Variants in UBTD2 observed in about 807,000 individuals in gnomAD.
The protein encoded by UBTD2 is ubiquitin domain containing 2.
In UBTD2, 9 loss-of-function variants were observed where a neutral mutation model predicts 19.8. The ratio of observed to expected loss-of-function variants is 0.46; its 90% confidence interval spans 0.27 to 0.79. The LOEUF (loss-of-function observed/expected upper bound fraction) is 0.79, where lower values mean the gene tolerates loss of function less well. Ranked by LOEUF, UBTD2 falls within the 30% of genes least tolerant of loss-of-function variation. The probability of loss-of-function intolerance (pLI) is 0.14; values close to 1 mark genes in which losing one functional copy is unlikely to be tolerated. For missense variants in UBTD2, 250 were observed against 300.4 expected (o/e 0.83, Z 1.24); for synonymous variants, 98 against 103.9 (o/e 0.94, Z 0.35).
intron 1 of UBTD2, among the ~76,000 whole-genome samples, chr5:172,273,281 T>G (rs1755535211): frequency 7.7e-6 from 1 of 129,256 alleles, no homozygotes; most frequent in Admixed American, 8.3e-5. Context: ...TAATGCCCAC[T>G]GCAAGATTCT....
chr5:172,247,842 A>G (rs1310577472), intron 1 of UBTD2, among the ~76,000 whole-genome samples: 1 of 152,224 alleles, frequency 6.6e-6, no homozygotes, highest in Non-Finnish European at 1.5e-5. Context: ...CTTAACTGAC[A>G]TAAAGAACAT....
At chr5:172,257,160 G>A (rs568514362) in intron 1 of UBTD2, among the ~76,000 whole-genome samples, 28 of 152,252 alleles carry the variant, frequency 1.8e-4, no homozygotes, top group African/African-American at 6.5e-4. Context: ...CCTCAAGGAG[G>A]TCCCAGTGAC....
chr5:172,239,901 C>T (rs1228489036), intron 1 of UBTD2, among the ~76,000 whole-genome samples: 1 of 152,112 alleles, frequency 6.6e-6, no homozygotes, highest in Non-Finnish European at 1.5e-5. Context: ...GAGACTCCGT[C>T]TCAAAACAAA....
rs746153347 is a variant in UBTD2, at chr5:172,234,346, C to T, written c.83G>A (p.Arg28His). The T allele has an allele frequency of 8.1e-6, 13 of 1,613,656 alleles. No homozygotes were observed. Among genetic ancestry groups the T allele is most frequent in the Admixed American group, 6.7e-5 (4 of 59,926 alleles). ...TTTCTCCTTTTTCAAAGGCTGGTTA[C>T]GACCTAGAGCAACTGAAAAGAAAAA... ...NSEGTGVALG[R>H]NQPLKKEKPK... is the part of the protein sequence containing the mutation. The change falls in exon 2 of 3, where the codon CGT (arginine) becomes CAT (histidine). Residue 28 changes from arginine to histidine, a missense_variant. By Grantham distance (29) the Arg-to-His change is conservative. Coordinates refer to ENST00000393792, the MANE Select transcript of UBTD2 (RefSeq NM_152277.3).
chr5:172,244,751 G>A (rs537829304), intron 1 of UBTD2, among the ~76,000 whole-genome samples: 4 of 152,014 alleles, frequency 2.6e-5, no homozygotes, highest in East Asian at 3.9e-4. Flanking sequence ...TTTTTGAGAC[G>A]AAGTCTTGCT....
At chr5:172,267,276 G>A (rs1169923658) in intron 1 of UBTD2, among the ~76,000 whole-genome samples, 1 of 152,142 alleles carries the variant, frequency 6.6e-6, no homozygotes, top group Non-Finnish European at 1.5e-5. Context: ...ACGCCACCAG[G>A]TCAAAATGAT....
At chr5:172,226,135 G>C (rs1239556784) in intron 2 of UBTD2, among the ~76,000 whole-genome samples, 1 of 151,960 alleles carries the variant, frequency 6.6e-6, no homozygotes, top group Non-Finnish European at 1.5e-5. Flanking sequence ...TCTACTTCTT[G>C]ACAACCATGC....
intron 1 of UBTD2, among the ~76,000 whole-genome samples, chr5:172,244,073 T>C (rs1215191318): frequency 6.6e-6 from 1 of 152,078 alleles, no homozygotes; most frequent in African/African-American, 2.4e-5. Flanking sequence ...CCATGCCTAA[T>C]CTTCCTACAT....
chr5:172,267,118 G>T (rs991957194), intron 1 of UBTD2, among the ~76,000 whole-genome samples: 1 of 149,316 alleles, frequency 6.7e-6, no homozygotes, highest in Non-Finnish European at 1.5e-5. Context: ...GAACCCAAGA[G>T]AACAAAAGAA....
At chr5:172,260,134 A>G (rs1020744024) in intron 1 of UBTD2, among the ~76,000 whole-genome samples, 4 of 145,104 alleles carry the variant, frequency 2.8e-5, no homozygotes, top group African/African-American at 1.0e-4. Flanking sequence ...GTATTTTCCT[A>G]TTCATTAAAA....
chr5:172,234,421 A>G (rs1771968459), intron 1 of UBTD2, 63 bp from the exon 2 acceptor site: 1 of 1,337,488 alleles, frequency 7.5e-7, no homozygotes, highest in Admixed American at 1.8e-5. Flanking sequence ...ATCAAAAGTT[A>G]TCTGGTCATT....
rs555392614 is a variant in UBTD2 at position 172,274,135 on chromosome 5, C to CTTTTTTTTT, written c.70+9452_70+9460dup. 1.9e-4 allele frequency among the ~76,000 whole-genome samples: 21 copies of CTTTTTTTTT among 108,648 alleles called. 1 individual carries two copies. The highest frequency in any genetic ancestry group is 6.2e-4 in the South Asian group (2 of 3,246). 71.3% of individuals were successfully genotyped at this position (108,648 alleles called of 152,430 possible). ...CCTCCTCATGCTCAATTTTGCTTTA[C>CTTTTTTTTT]TTTTTTTTTTTTTTTTTTTTTTTGA... On this transcript the variant is annotated intron_variant, in intron 1 of 2. Coordinates refer to ENST00000393792, the MANE Select transcript of UBTD2 (RefSeq NM_152277.3).
chr5:172,252,654 T>C (rs1207969086), intron 1 of UBTD2, among the ~76,000 whole-genome samples: 1 of 152,186 alleles, frequency 6.6e-6, no homozygotes, highest in East Asian at 1.9e-4. Flanking sequence ...CTCTTCTATC[T>C]GAAGTTTCCT....
chr5:172,216,284 A>G (rs1443513181), intron 2 of UBTD2, among the ~76,000 whole-genome samples: 3 of 152,132 alleles, frequency 2.0e-5, no homozygotes, highest in Non-Finnish European at 2.9e-5. Context: ...GGGACAAACC[A>G]AAGTGTAACA....
chr5:172,224,335 T>C (rs145801641), intron 2 of UBTD2, among the ~76,000 whole-genome samples: 133 of 140,426 alleles, frequency 9.5e-4, no homozygotes, highest in African/African-American at 3.2e-3. Context: ...AATCTCACCC[T>C]GTCGCCCAGG....
intron 1 of UBTD2, among the ~76,000 whole-genome samples, chr5:172,244,115 T>C (rs1772188705): frequency 1.3e-5 from 2 of 152,170 alleles, no homozygotes; most frequent in Admixed American, 1.3e-4. Context: ...TCAAGCTGAT[T>C]GGGGGCATTC....
intron 2 of UBTD2, among the ~76,000 whole-genome samples, chr5:172,228,923 G>GA (rs1022034849): frequency 4.0e-5 from 6 of 151,606 alleles, no homozygotes; most frequent in Admixed American, 6.6e-5. Context: ...TTGAGATAAA[G>GA]AAAAAAACAT....
intron 1 of UBTD2, among the ~76,000 whole-genome samples, chr5:172,262,078 C>G (rs1342548760): frequency 1.3e-5 from 2 of 152,170 alleles, no homozygotes; most frequent in Non-Finnish European, 2.9e-5. Context: ...AACTGAGACC[C>G]TGTGCCTCAG....
rs1291209601 is a variant in UBTD2, at chr5:172,211,914, G to A, written c.621C>T (p.Phe207=). The change falls in exon 3 of 3, where the codon TTC becomes TTT. Residue 207 remains phenylalanine (F), a synonymous_variant. Coordinates refer to ENST00000393792, the MANE Select transcript of UBTD2 (RefSeq NM_152277.3). ...SGRPLTDKMK[F]EELKIPKDYV... Reference sequence around the variant, plus strand: ...AGTCCTTTGGGATCTTCAGCTCTTCGAACTTCATTTTGTCAGTGAGAGGTC... The same window carrying A: ...AGTCCTTTGGGATCTTCAGCTCTTCAAACTTCATTTTGTCAGTGAGAGGTC... 6.8e-6 allele frequency: 11 copies of A among 1,614,004 alleles called. No homozygotes were observed. Among genetic ancestry groups the A allele is most frequent in the South Asian group, 3.3e-5 (3 of 91,064 alleles).
Sources: gnomAD v4.1 joint callset for allele counts (sites outside exome capture counted in the v4.1 genomes callset) on GRCh38, gnomAD v4.1.1 for gene constraint, MANE v1.5 for transcripts, NCBI Gene and HGNC (gene_info 2026-07-23, HGNC 2026-07-21) for gene names.